UBP1: variants seen among roughly 807,000 people sequenced by gnomAD.
The protein encoded by UBP1 is upstream-binding protein 1.
Under a neutral mutation model 76.1 loss-of-function variants are expected in UBP1, and 22 were observed. The ratio of observed to expected loss-of-function variants is 0.29; its 90% CI spans 0.21 to 0.41. UBP1 has a LOEUF of 0.41. Ranked by LOEUF, UBP1 falls within the 10% of genes least tolerant of loss-of-function variation. The pLI is 1.00. For missense variants in UBP1, 436 were observed against 668.1 expected (o/e 0.65, Z 3.83); for synonymous variants, 224 against 237.1 (o/e 0.94, Z 0.51).
intron 11 of UBP1, chr3:33,398,008 G>A (rs2044074732): frequency 2.0e-5 from 3 of 152,230 alleles, no homozygotes; most frequent in African/African-American, 4.8e-5. Context: ...ACAGAAGGCA[G>A]GAGAGGAAAT....
At chr3:33,424,033 CAG>C (rs2044966498) in intron 2 of UBP1, among the ~76,000 whole-genome samples, 1 of 152,206 alleles carries the variant, frequency 6.6e-6, no homozygotes, top group African/African-American at 2.4e-5. Flanking sequence ...ATGTATGTAA[CAG>C]AACTTAATCG....
At chr3:33,401,707 GGTCT>G (rs1291066726) in intron 9 of UBP1, among the ~76,000 whole-genome samples, 6 of 152,144 alleles carry the variant, frequency 3.9e-5, no homozygotes, top group African/African-American at 9.7e-5. Context: ...TTCAGACGGG[GGTCT>G]GTCTGTTTGG....
intron 2 of UBP1, among the ~76,000 whole-genome samples, chr3:33,425,113 C>A (rs558613766): frequency 6.6e-6 from 1 of 152,122 alleles, no homozygotes; most frequent in Admixed American, 6.5e-5. Context: ...TTTCATATCA[C>A]TGAAATGTAA....
chr3:33,396,833 G>A (rs1364462304), intron 12 of UBP1: 1 of 678,946 alleles, frequency 1.5e-6, no homozygotes, highest in South Asian at 1.5e-5. Flanking sequence ...CAGTCTTACA[G>A]TCTACCTCTG....
chr3:33,401,168 G>C (rs1222821688), intron 9 of UBP1, 152 bp from the exon 10 acceptor site: 1 of 625,816 alleles, frequency 1.6e-6, no homozygotes, highest in East Asian at 3.2e-5. Flanking sequence ...AAATGCAAGC[G>C]CAACAGCTTA....
chr3:33,426,025 A>ATATC (rs1384567911), intron 1 of UBP1, among the ~76,000 whole-genome samples: 1 of 90,990 alleles, frequency 1.1e-5, no homozygotes, highest in Non-Finnish European at 2.2e-5. Context: ...ATATATATAT[A>ATATC]TATATATATA....
At chr3:33,427,643 A>C (rs1190111923) in intron 1 of UBP1, among the ~76,000 whole-genome samples, 1 of 152,234 alleles carries the variant, frequency 6.6e-6, no homozygotes, top group Non-Finnish European at 1.5e-5. Context: ...ACGTTATCCC[A>C]CCAGTAGTCC....
intron 15 of UBP1, chr3:33,390,656 A>G (rs1389123214): frequency 2.2e-5 from 10 of 463,398 alleles, no homozygotes; most frequent in Non-Finnish European, 4.0e-5. Flanking sequence ...AAGACACACA[A>G]TAATAGTGCT....
chr3:33,441,131 G>GT (rs2045295717), upstream of UBP1: 1 of 152,328 alleles, frequency 6.6e-6, no homozygotes, highest in Non-Finnish European at 1.5e-5. Context: ...ACGTGCCACA[G>GT]TAACAGCTAC....
intron 2 of UBP1, among the ~76,000 whole-genome samples, chr3:33,423,052 T>A (rs1279215961): frequency 6.6e-6 from 1 of 151,858 alleles, no homozygotes; most frequent in Non-Finnish European, 1.5e-5. Flanking sequence ...TTTGTTTTTT[T>A]TTTTTTTGAG....
chr3:33,429,806 G>C (rs2045083320), intron 1 of UBP1, among the ~76,000 whole-genome samples: 1 of 152,210 alleles, frequency 6.6e-6, no homozygotes, highest in Non-Finnish European at 1.5e-5. Context: ...GCTGCCTTCA[G>C]GGAGGACAAA....
chr3:33,416,424 A>G (rs2044731091), intron 3 of UBP1, among the ~76,000 whole-genome samples: 1 of 152,232 alleles, frequency 6.6e-6, no homozygotes, highest in Non-Finnish European at 1.5e-5. Flanking sequence ...TACAAGGTAA[A>G]GGATTTTTTA....
At chr3:33,415,559 T>C (rs922944461) in intron 3 of UBP1, among the ~76,000 whole-genome samples, 2 of 152,178 alleles carry the variant, frequency 1.3e-5, no homozygotes, top group African/African-American at 4.8e-5. Context: ...TGGATATATG[T>C]GGATTCATTG....
chr3:33,392,201 T>C (rs2043795129), intron 15 of UBP1: 1 of 185,016 alleles, frequency 5.4e-6, no homozygotes. Context: ...ACTTAACATA[T>C]TGGGAATTTT....
intron 14 of UBP1, 23 bp downstream of exon 14, chr3:33,393,289 G>GA: frequency 6.3e-7 from 1 of 1,580,020 alleles, no homozygotes; most frequent in Non-Finnish European, 8.6e-7. Flanking sequence ...GTCTGAAAAG[G>GA]AAAAACAAAT....
At chr3:33,395,518 C>T (rs1219728595) in intron 13 of UBP1, among the ~76,000 whole-genome samples, 1 of 151,890 alleles carries the variant, frequency 6.6e-6, no homozygotes, top group Non-Finnish European at 1.5e-5. Flanking sequence ...CCTAATCCAG[C>T]ACTATACCGT....
At chr3:33,400,331 G>C in intron 10 of UBP1, 49 bp from the exon 11 acceptor site, 1 of 1,440,206 alleles carries the variant, frequency 6.9e-7, no homozygotes. Flanking sequence ...TTCAGACTTA[G>C]AACATTTAAA....
At chr3:33,436,438 T>C (rs549559903) in intron 1 of UBP1, among the ~76,000 whole-genome samples, 2 of 152,342 alleles carry the variant, frequency 1.3e-5, no homozygotes, top group African/African-American at 4.8e-5. Context: ...TGGATGTACC[T>C]CCCATTTCAA....
intron 5 of UBP1, 122 bp downstream of exon 5, chr3:33,411,455 TAGAA>T (rs1184208732): frequency 1.3e-5 from 10 of 773,214 alleles, no homozygotes. Flanking sequence ...ACTATGTATA[TAGAA>T]AGACACTACA....
Sources: gnomAD v4.1 joint callset for allele counts (sites outside exome capture counted in the v4.1 genomes callset) on GRCh38, gnomAD v4.1.1 for gene constraint, MANE v1.5 for transcripts, NCBI Gene and HGNC (gene_info 2026-07-23, HGNC 2026-07-21) for gene names.